Variants in SLC35F1 observed in about 807,000 individuals in gnomAD.
The protein encoded by SLC35F1 is solute carrier family 35 member F1, also known as chromosome 6 open reading frame 169.
Under a neutral mutation model 48.7 loss-of-function variants are expected in SLC35F1, and 14 were observed. The ratio of observed to expected loss-of-function variants is 0.29; its 90% CI spans 0.19 to 0.45. The LOEUF is 0.45. SLC35F1 is among the 20% of genes least tolerant of loss of function. The probability of loss-of-function intolerance (pLI) is 1.00; values close to 1 mark genes in which losing one functional copy is unlikely to be tolerated. For synonymous variants in SLC35F1, 190 were observed against 202.2 expected (o/e 0.94, Z 0.51); for missense variants, 404 against 500.0 (o/e 0.81, Z 1.83).
At chr6:118,006,466 A>G (rs1374246815) in intron 1 of SLC35F1, among the ~76,000 whole-genome samples, 1 of 152,042 alleles carries the variant, frequency 6.6e-6, no homozygotes. Context: ...AAAATTTTTA[A>G]AAATTATCTG....
chr6:118,065,381 A>AT (rs1291809944), intron 1 of SLC35F1, among the ~76,000 whole-genome samples: 1 of 152,186 alleles, frequency 6.6e-6, no homozygotes, highest in East Asian at 1.9e-4. Context: ...TGATGGACTT[A>AT]TACTGTACTA....
chr6:117,966,169 G>C (rs1018129310), intron 1 of SLC35F1, among the ~76,000 whole-genome samples: 1 of 124,562 alleles, frequency 8.0e-6, no homozygotes, highest in Non-Finnish European at 1.7e-5. Flanking sequence ...AAGCAGCAGC[G>C]GTACCCTGCT....
chr6:118,037,957 A>C (rs1224985297), intron 1 of SLC35F1, among the ~76,000 whole-genome samples: 2 of 152,296 alleles, frequency 1.3e-5, no homozygotes, highest in African/African-American at 4.8e-5. Context: ...TGATGGGTGC[A>C]GCAAACTACC....
chr6:118,203,840 T>G (rs1774900308), intron 2 of SLC35F1, among the ~76,000 whole-genome samples: 1 of 152,212 alleles, frequency 6.6e-6, no homozygotes, highest in African/African-American at 2.4e-5. Flanking sequence ...CATTCATTTA[T>G]GTAACAAATA....
chr6:117,972,910 T>TA (rs985243875), intron 1 of SLC35F1, among the ~76,000 whole-genome samples: 3 of 152,214 alleles, frequency 2.0e-5, no homozygotes, highest in African/African-American at 7.2e-5. Context: ...TACAATTTAA[T>TA]AAGTTTACAA....
rs533333330 is a variant in SLC35F1, at chr6:118,278,887, A to G, written c.847+1341A>G. ...TTTGTCCTCAAACTATGTGGATGCC[A>G]TGTGCATATCCACTGAGGTTCTGTT... On this transcript the variant is annotated intron_variant, in intron 6 of 7. Transcript: ENST00000360388. Among the ~76,000 whole-genome samples, 31 of 152,366 alleles carry G rather than the reference A, an allele frequency of 2.0e-4. No homozygotes were observed. The South Asian group carries it at 6.2e-3, about 31-fold the overall frequency.
intron 1 of SLC35F1, among the ~76,000 whole-genome samples, chr6:118,047,867 C>A (rs1180431132): frequency 6.6e-6 from 1 of 152,046 alleles, no homozygotes; most frequent in Non-Finnish European, 1.5e-5. Context: ...ATTGAATACC[C>A]TTTATTTCCT....
At chr6:118,040,750 C>T (rs1772204819) in intron 1 of SLC35F1, among the ~76,000 whole-genome samples, 1 of 150,650 alleles carries the variant, frequency 6.6e-6, no homozygotes, top group Non-Finnish European at 1.5e-5. Context: ...GTCCACTGTT[C>T]AGATTCACCA....
At chr6:118,046,522 ATCTAACACT>A (rs901643699) in intron 1 of SLC35F1, among the ~76,000 whole-genome samples, 1 of 152,154 alleles carries the variant, frequency 6.6e-6, no homozygotes, top group Admixed American at 6.6e-5. Context: ...TGAGTTTCAG[ATCTAACACT>A]TCACAGCTTT....
chr6:117,920,887 T>C (rs1016503605), intron 1 of SLC35F1, among the ~76,000 whole-genome samples: 5 of 152,186 alleles, frequency 3.3e-5, no homozygotes, highest in Admixed American at 6.5e-5. Context: ...TTTTGTGTCC[T>C]ATATTTCCTT....
At chr6:117,914,629 T>C (rs1175834018) in intron 1 of SLC35F1, among the ~76,000 whole-genome samples, 2 of 152,222 alleles carry the variant, frequency 1.3e-5, no homozygotes, top group Non-Finnish European at 2.9e-5. Flanking sequence ...TGGTGGAGTT[T>C]CTGTTATTAC....
chr6:118,231,965 G>A (rs547066259), intron 2 of SLC35F1, among the ~76,000 whole-genome samples: 4 of 152,290 alleles, frequency 2.6e-5, no homozygotes, highest in South Asian at 2.1e-4. Flanking sequence ...TTTGTCACAC[G>A]TTGTCTACAT....
intron 1 of SLC35F1, among the ~76,000 whole-genome samples, chr6:118,018,611 G>A (rs908615858): frequency 1.3e-5 from 2 of 152,106 alleles, no homozygotes; most frequent in Non-Finnish European, 2.9e-5. Flanking sequence ...TGTAACCTAA[G>A]TGTTTTATGC....
chr6:118,231,635 G>A (rs1775294383), intron 2 of SLC35F1, among the ~76,000 whole-genome samples: 1 of 152,188 alleles, frequency 6.6e-6, no homozygotes, highest in African/African-American at 2.4e-5. Flanking sequence ...CAATATGGAA[G>A]CATTTATTTA....
At chr6:118,170,157 A>C (rs1470225152) in intron 2 of SLC35F1, among the ~76,000 whole-genome samples, 1 of 152,250 alleles carries the variant, frequency 6.6e-6, no homozygotes. Context: ...CATTTTTGCT[A>C]AACTCAAAGA....
intron 1 of SLC35F1, among the ~76,000 whole-genome samples, chr6:117,983,698 G>A (rs992206137): frequency 2.0e-5 from 3 of 152,166 alleles, no homozygotes; most frequent in African/African-American, 2.4e-5. Context: ...CCTCACTGGC[G>A]AAATAGAAAG....
At chr6:118,173,295 A>G (rs544858964) in intron 2 of SLC35F1, among the ~76,000 whole-genome samples, 15 of 152,152 alleles carry the variant, frequency 9.9e-5, no homozygotes, top group Admixed American at 7.9e-4. Context: ...AAAACTCCAG[A>G]AAATTTCATT....
chr6:118,068,092 A>G (rs553452252), intron 1 of SLC35F1, among the ~76,000 whole-genome samples: 4 of 152,302 alleles, frequency 2.6e-5, no homozygotes, highest in Admixed American at 2.0e-4. Context: ...TCCTAGCTCC[A>G]GAAGAGAGAG....
intron 1 of SLC35F1, among the ~76,000 whole-genome samples, chr6:118,070,997 T>TATATACACATA (rs1562280849): frequency 1.6e-3 from 1 of 636 alleles, no homozygotes; most frequent in African/African-American, 5.3e-3. Flanking sequence ...TCTACGTGTG[T>TATATACACATA]GTATATATAT....
Sources: gnomAD v4.1 joint callset for allele counts (sites outside exome capture counted in the v4.1 genomes callset) on GRCh38, gnomAD v4.1.1 for gene constraint, MANE v1.5 for transcripts, NCBI Gene and HGNC (gene_info 2026-07-23, HGNC 2026-07-21) for gene names.